Variants in LAMA2 observed in about 807,000 individuals in gnomAD.
LAMA2 encodes laminin subunit alpha-2.
In LAMA2, 269 loss-of-function variants were observed where a neutral mutation model predicts 364.8. That is an observed-to-expected ratio of 0.74 (90% CI 0.67 to 0.82). LAMA2 has a LOEUF of 0.82. LAMA2 is among the 40% of genes least tolerant of loss of function. The pLI is 0.00. For synonymous variants in LAMA2, 1,379 were observed against 1,370.6 expected (o/e 1.01, Z -0.14); for missense variants, 3,807 against 3,873.2 (o/e 0.98, Z 0.45).
intron 1 of LAMA2, among the ~76,000 whole-genome samples, chr6:128,981,502 G>A (rs1201157610): frequency 1.3e-5 from 2 of 151,110 alleles, no homozygotes; most frequent in African/African-American, 2.4e-5. Context: ...CAGCACTTTG[G>A]GAGGCCAAGG....
intron 4 of LAMA2, among the ~76,000 whole-genome samples, chr6:129,133,698 GTC>G (rs2114940560): frequency 6.6e-6 from 1 of 152,274 alleles, no homozygotes; most frequent in East Asian, 1.9e-4. Context: ...TAAATTTAAA[GTC>G]TCTGACATCT....
intron 12 of LAMA2, among the ~76,000 whole-genome samples, chr6:129,201,045 C>T (rs961255867): frequency 6.6e-6 from 1 of 152,126 alleles, no homozygotes; most frequent in African/African-American, 2.4e-5. Context: ...ATTTCCTTAT[C>T]TACCTTAAAC....
At chr6:129,402,207 T>TAAAAAAA (rs1780014963) in intron 38 of LAMA2, 117 bp from the exon 39 acceptor site, 1 of 553,240 alleles carries the variant, frequency 1.8e-6, no homozygotes, top group Admixed American at 3.4e-5. Context: ...AGACTCTGTC[T>TAAAAAAA]CAAAAAAAAA....
chr6:129,323,036 A>G (rs1215430750), intron 28 of LAMA2, among the ~76,000 whole-genome samples: 1 of 152,236 alleles, frequency 6.6e-6, no homozygotes, highest in African/African-American at 2.4e-5. Context: ...CAGTAATTGC[A>G]GTAATATCTT....
chr6:129,143,906 CATCTCTTTA>C lies in LAMA2; in HGVS notation c.649_657del (p.Ser217_Ile219del). On this transcript the variant is annotated inframe_deletion, in exon 5 of 65. Coordinates refer to ENST00000421865, the MANE Select transcript of LAMA2 (RefSeq NM_000426.4). ...TTATTTTTCATATTGTGTAGATTCA[CATCTCTTTA>C]ATCAATGGGAGACCAAGTGCCGATG... 6.3e-7 allele frequency: 1 copy of C among 1,593,144 alleles called. No individual in the cohort carries two copies. Among genetic ancestry groups the C allele is most frequent in the Non-Finnish European group, 8.6e-7 (1 of 1,162,036 alleles).
intron 1 of LAMA2, among the ~76,000 whole-genome samples, chr6:128,906,887 T>C (rs1344767658): frequency 2.0e-5 from 3 of 151,416 alleles, no homozygotes; most frequent in African/African-American, 7.3e-5. Context: ...ATTTATTAAA[T>C]AGGGAATCCT....
At chr6:129,204,888 A>G (rs943044064) in intron 12 of LAMA2, among the ~76,000 whole-genome samples, 2 of 152,212 alleles carry the variant, frequency 1.3e-5, no homozygotes, top group Non-Finnish European at 2.9e-5. Flanking sequence ...AGCAGTTTAT[A>G]GAGAAGGAAA....
chr6:129,093,171 A>G (rs1463804709), intron 3 of LAMA2, among the ~76,000 whole-genome samples: 1 of 148,796 alleles, frequency 6.7e-6, no homozygotes, highest in Non-Finnish European at 1.5e-5. Context: ...TGTATTTTTT[A>G]GTAGAGACGG....
rs772192888 is a variant in LAMA2, at chr6:129,383,145, C to A, written c.4983C>A (p.Gly1661=). The A allele has an allele frequency of 6.2e-7, 1 of 1,613,664 alleles. No individual in the cohort carries two copies. Among genetic ancestry groups the A allele is most frequent in the Non-Finnish European group, 8.5e-7 (1 of 1,179,822 alleles). Residue 1661 remains glycine (G), a synonymous_variant, in exon 35 of 65, where the codon GGC becomes GGA. Transcript: ENST00000421865. ...LTRATKVTAD[G]EQTGQDAERT... is the part of the protein sequence containing the mutation. ...AGGCTACCAAAGTGACAGCAGATGG[C>A]GAGCAGACCGGACAGGATGCTGAGA...
At chr6:129,218,287 TTACTCA>T (rs1305067973) in intron 12 of LAMA2, among the ~76,000 whole-genome samples, 1 of 152,188 alleles carries the variant, frequency 6.6e-6, no homozygotes, top group Non-Finnish European at 1.5e-5. Flanking sequence ...GGAACGCATT[TTACTCA>T]TCTTGTAGTG....
chr6:128,885,318 T>A (rs1443136882), intron 1 of LAMA2, among the ~76,000 whole-genome samples: 1 of 152,226 alleles, frequency 6.6e-6, no homozygotes, highest in Admixed American at 6.5e-5. Context: ...AAATGCCTTA[T>A]GTACACGATC....
Position 129,162,104 on chromosome 6 carries a change from T to C in LAMA2, c.1207-3472T>C, listed in dbSNP as rs144121011. 2.1e-3 allele frequency among the ~76,000 whole-genome samples: 313 copies of C among 152,330 alleles called. 1 individual carries two copies. The Middle Eastern group carries it at 0.034, about 17-fold the overall frequency. The stretch of plus-strand genomic sequence containing the variant: ...GGCTTCCCACAGTGTCTGAACTAAT[T>C]TACTTTCCCACCAGCAGTGTATAAG... On this transcript the variant is annotated intron_variant, in intron 8 of 64. Transcript: ENST00000421865.
At chr6:129,283,357 C>T (rs1445125557) in intron 18 of LAMA2, among the ~76,000 whole-genome samples, 1 of 152,044 alleles carries the variant, frequency 6.6e-6, no homozygotes, top group African/African-American at 2.4e-5. Context: ...CCTGATCGGA[C>T]ACTAAGTTAC....
At chr6:128,963,741 A>G (rs1781678570) in intron 1 of LAMA2, among the ~76,000 whole-genome samples, 1 of 152,078 alleles carries the variant, frequency 6.6e-6, no homozygotes, top group Non-Finnish European at 1.5e-5. Flanking sequence ...ACGTCCACAA[A>G]TTACTAATAA....
chr6:129,473,091 A>C (rs942106592), intron 51 of LAMA2, 123 bp from the exon 52 acceptor site: 1 of 686,616 alleles, frequency 1.5e-6, no homozygotes, highest in Non-Finnish European at 2.5e-6. Context: ...ATATAGTGCA[A>C]GTGCTTGAGA....
intron 27 of LAMA2, 75 bp downstream of exon 27, chr6:129,316,246 A>T (rs73776925): frequency 8.4e-7 from 1 of 1,188,024 alleles, no homozygotes. Context: ...CAGATATCAG[A>T]TAAGAAAGAT....
At chr6:129,401,048 A>G (rs989731823) in intron 37 of LAMA2, among the ~76,000 whole-genome samples, 176 bp from the exon 38 acceptor site, 2 of 152,244 alleles carry the variant, frequency 1.3e-5, no homozygotes, top group African/African-American at 4.8e-5. Flanking sequence ...GCCTCTACAT[A>G]GAAGAACTCT....
At chr6:129,491,010 A>C (rs1269877852) in intron 56 of LAMA2, 2 of 152,162 alleles carry the variant, frequency 1.3e-5, no homozygotes, top group African/African-American at 4.8e-5. Flanking sequence ...TTCTTTATAA[A>C]GTCAAGTAAG....
At chr6:129,113,792 G>T (rs1030671027) in intron 4 of LAMA2, among the ~76,000 whole-genome samples, 2 of 151,944 alleles carry the variant, frequency 1.3e-5, no homozygotes, top group Non-Finnish European at 2.9e-5. Context: ...ATTTGCCAAG[G>T]CTCACTAGTG....
Sources: gnomAD v4.1 joint callset for allele counts (sites outside exome capture counted in the v4.1 genomes callset) on GRCh38, gnomAD v4.1.1 for gene constraint, MANE v1.5 for transcripts, NCBI Gene and HGNC (gene_info 2026-07-23, HGNC 2026-07-21) for gene names.